The following MTRR variants were observed in gnomAD, a reference collection of about 807,000 sequenced individuals.
MTRR encodes methionine synthase reductase.
Under a neutral mutation model 79.2 loss-of-function variants are expected in MTRR, and 63 were observed. That is an observed-to-expected ratio of 0.80 (90% confidence interval 0.65 to 0.98). The LOEUF (loss-of-function observed/expected upper bound fraction) is 0.98, where lower values mean the gene tolerates loss of function less well. MTRR is among the 50% of genes least tolerant of loss of function. MTRR has a pLI of 0.00. For synonymous variants in MTRR, 355 were observed against 313.3 expected (o/e 1.13, Z -1.41); for missense variants, 895 against 839.6 (o/e 1.07, Z -0.82).
chr5:7,867,064 C>G (rs150587526), upstream of MTRR: 2 of 1,613,986 alleles, frequency 1.2e-6, no homozygotes, highest in African/African-American at 1.3e-5. Flanking sequence ...AATATATGAA[C>G]GCCTCCAAGA....
chr5:7,886,900 A>G (rs778172482), intron 8 of MTRR, among the ~76,000 whole-genome samples, 197 bp downstream of exon 8: 37 of 152,282 alleles, frequency 2.4e-4, no homozygotes, highest in Non-Finnish European at 4.7e-4. Context: ...TTGTATTTGC[A>G]TTTAAATTTT....
In MTRR at chr5:7,885,669, ATTTT is replaced by A. The variant is rs11398509; in HGVS notation, c.904-23_904-20del. The stretch of plus-strand genomic sequence containing the variant: ...TTAAACTATGTAACACGTATAATGT[ATTTT>A]TTTTTTTTCATTTTGGCTCTTCTCT... On this transcript the variant is annotated intron_variant, in intron 6 of 14. Coordinates refer to ENST00000440940, the MANE Select transcript of MTRR (RefSeq NM_002454.3). 7.1e-5 allele frequency: 100 copies of A among 1,412,016 alleles called. 2 individuals are homozygous for A. In the South Asian group the frequency reaches 1.2e-3, roughly 17 times the overall value. 87.5% of individuals were successfully genotyped at this position (1,412,016 alleles called of 1,614,324 possible).
chr5:7,873,244 G>C (rs879734959), intron 2 of MTRR, 129 bp from the exon 3 acceptor site: 5 of 1,160,934 alleles, frequency 4.3e-6, no homozygotes, highest in Non-Finnish European at 6.5e-6. Flanking sequence ...TGGACTGGTC[G>C]TCTCAAAAAA....
chr5:7,886,581 G>A lies in MTRR; in HGVS notation c.1058-34G>A, dbSNP rs191113276. 18 of 1,471,350 alleles carry A rather than the reference G, an allele frequency of 1.2e-5. No homozygotes were observed. The East Asian group carries it at 4.1e-4, about 33-fold the overall frequency. 91.1% of individuals were successfully genotyped at this position (1,471,350 alleles called of 1,614,324 possible). On this transcript the variant is annotated intron_variant, in intron 7 of 14. Transcript: ENST00000440940. Reference sequence around the variant, plus strand: ...AAACATTTTATTCTTCATCTTCTATGTCATGAACCCCTTTCCCGTCTTTAC... The same window carrying A: ...AAACATTTTATTCTTCATCTTCTATATCATGAACCCCTTTCCCGTCTTTAC...
chr5:7,860,728 T>G (rs1034070874), intron 1 of MTRR, among the ~76,000 whole-genome samples: 1 of 152,254 alleles, frequency 6.6e-6, no homozygotes, highest in African/African-American at 2.4e-5. Context: ...AGTTGGGCCT[T>G]GAAAATAACC....
At chr5:7,890,851 A>G (rs771316813) in intron 9 of MTRR, among the ~76,000 whole-genome samples, 226 of 152,312 alleles carry the variant, frequency 1.5e-3, no homozygotes, top group Non-Finnish European at 2.2e-3. Flanking sequence ...TTTTTGATAA[A>G]TTTTTAAAAA....
intron 11 of MTRR, among the ~76,000 whole-genome samples, chr5:7,895,203 T>G (rs1467889676): frequency 6.6e-6 from 1 of 152,226 alleles, no homozygotes; most frequent in Non-Finnish European, 1.5e-5. Flanking sequence ...TTTTGATAAT[T>G]ATATGATTTG....
chr5:7,851,023 C>T (rs368213947), upstream of MTRR: 199 of 1,251,734 alleles, frequency 1.6e-4, no homozygotes, highest in Non-Finnish European at 1.9e-4. Flanking sequence ...GTCCTCCATG[C>T]CGCCACCGTC....
chr5:7,890,528 C>T lies in MTRR; in HGVS notation c.1328-844C>T, dbSNP rs1033169587. On this transcript the variant is annotated intron_variant, in intron 9 of 14. Coordinates refer to ENST00000440940, the MANE Select transcript of MTRR (RefSeq NM_002454.3). Reference sequence around the variant, plus strand: ...TGTTAGAATGTTTGTAACAATACCACATTACGTAGTTATATAAAAAAATTA... The same window carrying T: ...TGTTAGAATGTTTGTAACAATACCATATTACGTAGTTATATAAAAAAATTA... The T allele has an allele frequency of 1.0e-5, 5 of 478,804 alleles. No homozygotes were observed. The African/African-American group carries it at 1.1e-4, about 10-fold the overall frequency. The allele number at this position is 478,804 out of a possible 1,614,324, so 29.7% of individuals were successfully genotyped here.
At chr5:7,858,417 A>G (rs757823862) in intron 1 of MTRR, among the ~76,000 whole-genome samples, 2 of 150,162 alleles carry the variant, frequency 1.3e-5, no homozygotes, top group African/African-American at 5.0e-5. Flanking sequence ...ACCCGGATAC[A>G]TCAGAATCTA....
intron 1 of MTRR, 64 bp downstream of exon 1, chr5:7,869,279 A>G: frequency 6.3e-7 from 1 of 1,585,590 alleles, no homozygotes; most frequent in East Asian, 2.2e-5. Context: ...ATCTCCTGGG[A>G]GAGGCGGCCC....
upstream of MTRR, among the ~76,000 whole-genome samples, chr5:7,865,216 C>G (rs532878456): frequency 6.6e-6 from 1 of 152,104 alleles, no homozygotes; most frequent in South Asian, 2.1e-4. Flanking sequence ...GGTAAGAGAT[C>G]GGGGTTAACT....
upstream of MTRR, chr5:7,867,966 G>C (rs540585802): frequency 1.9e-6 from 3 of 1,613,992 alleles, no homozygotes; most frequent in Non-Finnish European, 2.5e-6. Context: ...GGGCACAGAC[G>C]CTCCTTGACT....
chr5:7,895,442 A>G (rs907371140), intron 11 of MTRR, among the ~76,000 whole-genome samples: 5 of 152,214 alleles, frequency 3.3e-5, no homozygotes, highest in Admixed American at 2.0e-4. Context: ...GATCTTATCC[A>G]TAGACCAAGA....
At chr5:7,855,901 CA>C (rs977638489) in intron 1 of MTRR, among the ~76,000 whole-genome samples, 1 of 152,054 alleles carries the variant, frequency 6.6e-6, no homozygotes, top group African/African-American at 2.4e-5. Context: ...TGGAGCCCAA[CA>C]GGGGGAGAAC....
intron 2 of MTRR, chr5:7,862,876 C>A (rs762577451): frequency 1.2e-6 from 2 of 1,613,842 alleles, no homozygotes; most frequent in Non-Finnish European, 1.7e-6. Context: ...TAATCTTGCT[C>A]CTAAAAGGTT....
At chr5:7,874,341 A>G (rs994770629) in intron 3 of MTRR, among the ~76,000 whole-genome samples, 1 of 152,162 alleles carries the variant, frequency 6.6e-6, no homozygotes, top group African/African-American at 2.4e-5. Context: ...CCTGGCAATG[A>G]TCTGTCATAT....
intron 14 of MTRR, among the ~76,000 whole-genome samples, 199 bp from the exon 15 acceptor site, chr5:7,899,715 C>T (rs1159736043): frequency 6.6e-6 from 1 of 152,152 alleles, no homozygotes; most frequent in African/African-American, 2.4e-5. Flanking sequence ...GTGTGGTCAG[C>T]TCTGTCTCCT....
upstream of MTRR, chr5:7,866,780 A>G: frequency 6.2e-7 from 1 of 1,614,184 alleles, no homozygotes; most frequent in Non-Finnish European, 8.5e-7. Context: ...AGTGAATAGC[A>G]CGTTTTCCAG....
Sources: allele counts gnomAD v4.1 joint callset (sites outside exome capture counted in the v4.1 genomes callset), GRCh38; gene constraint gnomAD v4.1.1; transcripts MANE v1.5; gene names NCBI Gene and HGNC (gene_info 2026-07-23, HGNC 2026-07-21).